XKR6: variants seen among roughly 807,000 people sequenced by gnomAD.
The protein encoded by XKR6 is XK related 6.
Under a neutral mutation model 56.7 loss-of-function variants are expected in XKR6, and 22 were observed. That is an observed-to-expected ratio of 0.39 (90% CI 0.28 to 0.55). XKR6 has a LOEUF of 0.55. XKR6 is among the 20% of genes least tolerant of loss of function. The probability of loss-of-function intolerance (pLI) is 0.66; values close to 1 mark genes in which losing one functional copy is unlikely to be tolerated. For synonymous variants in XKR6, 524 were observed against 387.8 expected (o/e 1.35, Z -4.13); for missense variants, 852 against 889.0 (o/e 0.96, Z 0.53).
intron 1 of XKR6, among the ~76,000 whole-genome samples, chr8:10,960,435 C>CG (rs759015972): frequency 1.4e-4 from 21 of 152,246 alleles, no homozygotes; most frequent in Admixed American, 2.0e-4. Context: ...CTCTGAAGGC[C>CG]GGGGGAGGAA....
chr8:10,926,084 C>T lies in XKR6; in HGVS notation c.765-1254G>A, dbSNP rs552667260. Among the ~76,000 whole-genome samples the T allele has an allele frequency of 2.9e-3, 448 of 152,266 alleles. 4 individuals are homozygous for T. The highest frequency in any genetic ancestry group is 0.01 in the African/African-American group (424 of 41,552). On this transcript the variant is annotated intron_variant, in intron 1 of 2. Coordinates refer to ENST00000416569, the MANE Select transcript of XKR6 (RefSeq NM_173683.4). The stretch of plus-strand genomic sequence containing the variant: ...ACATTCTAGGACCCACTACTGTGCC[C>T]TTTGAAATGCTGAGCCTGACTCCTA...
intron 1 of XKR6, among the ~76,000 whole-genome samples, chr8:11,004,766 T>C (rs1420175620): frequency 6.6e-6 from 1 of 152,200 alleles, no homozygotes; most frequent in Non-Finnish European, 1.5e-5. Flanking sequence ...TTATTCACAA[T>C]AGCCAAAAGG....
intron 1 of XKR6, among the ~76,000 whole-genome samples, chr8:11,032,330 C>T (rs534685608): frequency 9.9e-5 from 15 of 152,112 alleles, no homozygotes; most frequent in Non-Finnish European, 1.8e-4. Context: ...ATGTGTTGCC[C>T]GAAAATGGCA....
chr8:10,919,827 T>C (rs908164175), intron 2 of XKR6, among the ~76,000 whole-genome samples: 2 of 151,108 alleles, frequency 1.3e-5, no homozygotes, highest in Non-Finnish European at 1.5e-5. Flanking sequence ...GTCAGAATTA[T>C]GTGCTCCCGT....
intron 1 of XKR6, among the ~76,000 whole-genome samples, chr8:10,941,054 C>G (rs1220215716): frequency 2.0e-5 from 3 of 152,158 alleles, no homozygotes; most frequent in Non-Finnish European, 4.4e-5. Flanking sequence ...GGGGGCTCCT[C>G]GATGACTCCT....
At chr8:10,928,758 C>G (rs1800973307) in intron 1 of XKR6, among the ~76,000 whole-genome samples, 1 of 152,170 alleles carries the variant, frequency 6.6e-6, no homozygotes, top group South Asian at 2.1e-4. Context: ...TCAGGATTGG[C>G]TGCCATTCCT....
intron 1 of XKR6, among the ~76,000 whole-genome samples, chr8:10,976,353 G>A (rs1208958565): frequency 6.6e-6 from 1 of 152,154 alleles, no homozygotes; most frequent in Non-Finnish European, 1.5e-5. Context: ...CCCATGTCAT[G>A]GTGGAAGCTC....
At chr8:11,087,617 C>G (rs1429516553) in intron 1 of XKR6, among the ~76,000 whole-genome samples, 1 of 152,162 alleles carries the variant, frequency 6.6e-6, no homozygotes, top group Non-Finnish European at 1.5e-5. Flanking sequence ...ATCTTGCAAC[C>G]ACCAAGGGAA....
chr8:11,040,141 C>T (rs894149582), intron 1 of XKR6, among the ~76,000 whole-genome samples: 1 of 151,974 alleles, frequency 6.6e-6, no homozygotes, highest in African/African-American at 2.4e-5. Flanking sequence ...CCGGGGGGAC[C>T]TTCCACTCCC....
At chr8:11,040,443 G>T (rs968679562) in intron 1 of XKR6, among the ~76,000 whole-genome samples, 3 of 151,946 alleles carry the variant, frequency 2.0e-5, no homozygotes, top group African/African-American at 7.3e-5. Flanking sequence ...GAAGCAGGAG[G>T]ATCACTTGAG....
chr8:11,149,761 A>C (rs1166035234), intron 1 of XKR6, among the ~76,000 whole-genome samples: 1 of 152,204 alleles, frequency 6.6e-6, no homozygotes, highest in Non-Finnish European at 1.5e-5. Flanking sequence ...TGTCCAAAGG[A>C]AAAGAAATCG....
At chr8:10,994,939 T>G (rs1798076166) in intron 1 of XKR6, among the ~76,000 whole-genome samples, 1 of 152,150 alleles carries the variant, frequency 6.6e-6, no homozygotes, top group Non-Finnish European at 1.5e-5. Context: ...GAAAACACAC[T>G]TCCAGTGTCA....
At chr8:11,178,562 A>ATG (rs1563197845) in intron 1 of XKR6, among the ~76,000 whole-genome samples, 14 of 142,890 alleles carry the variant, frequency 9.8e-5, no homozygotes, top group Admixed American at 4.3e-4. Flanking sequence ...ATATATATAT[A>ATG]TATATATATA....
At chr8:10,976,481 G>T (rs560017959) in intron 1 of XKR6, among the ~76,000 whole-genome samples, 1 of 152,126 alleles carries the variant, frequency 6.6e-6, no homozygotes, top group African/African-American at 2.4e-5. Context: ...ACGCCTGCAG[G>T]TGCCTGTCCC....
chr8:10,971,605 G>A (rs1336702106), intron 1 of XKR6, among the ~76,000 whole-genome samples: 1 of 152,090 alleles, frequency 6.6e-6, no homozygotes, highest in African/African-American at 2.4e-5. Context: ...GAGAAGTTGA[G>A]CAACTTACCT....
chr8:11,181,445 A>T (rs1212861315), intron 1 of XKR6, among the ~76,000 whole-genome samples: 2 of 152,232 alleles, frequency 1.3e-5, no homozygotes, highest in African/African-American at 4.8e-5. Context: ...CTAAAACTAG[A>T]TTACAAAGTG....
At chr8:11,023,208 C>G (rs774983215) in intron 1 of XKR6, among the ~76,000 whole-genome samples, 6 of 152,216 alleles carry the variant, frequency 3.9e-5, no homozygotes, top group Non-Finnish European at 7.3e-5. Flanking sequence ...CTAGACTGAG[C>G]TGGCCCTGCA....
chr8:11,088,511 C>G (rs1224739002), intron 1 of XKR6, among the ~76,000 whole-genome samples: 1 of 152,176 alleles, frequency 6.6e-6, no homozygotes, highest in Non-Finnish European at 1.5e-5. Flanking sequence ...GAAGTACACG[C>G]TGGAATCTAG....
chr8:11,172,155 G>T (rs1028365448), intron 1 of XKR6, among the ~76,000 whole-genome samples: 1 of 151,930 alleles, frequency 6.6e-6, no homozygotes, highest in Non-Finnish European at 1.5e-5. Context: ...CAGATTGCTT[G>T]AGCCCAGGAA....
Sources: allele counts gnomAD v4.1 joint callset (sites outside exome capture counted in the v4.1 genomes callset), GRCh38; gene constraint gnomAD v4.1.1; transcripts MANE v1.5; gene names NCBI Gene and HGNC (gene_info 2026-07-23, HGNC 2026-07-21).